Variants in AGBL1 observed in about 807,000 individuals in gnomAD.
AGBL1 encodes cytosolic carboxypeptidase 4.
A neutral mutation model predicts 118.9 loss-of-function variants in AGBL1; 130 were observed. That is an observed-to-expected ratio of 1.09 (90% CI 0.95 to 1.26). The LOEUF (loss-of-function observed/expected upper bound fraction) is 1.26, where lower values mean the gene tolerates loss of function less well. Ranked by LOEUF, AGBL1 falls within the 50% of genes most tolerant of loss-of-function variation. The pLI, the probability that AGBL1 is intolerant of heterozygous loss-of-function variation, is 0.00. For synonymous variants in AGBL1, 555 were observed against 478.9 expected (o/e 1.16, Z -2.08); for missense variants, 1,584 against 1,298.1 (o/e 1.22, Z -3.38).
intron 5 of AGBL1, among the ~76,000 whole-genome samples, chr15:86,185,252 A>G (rs572810884): frequency 0.015 from 2,291 of 152,250 alleles, 62 homozygotes; most frequent in African/African-American, 0.053. Context: ...AAAGTCAGGG[A>G]ACAACAGGTG....
chr15:86,635,325 C>CCTCCTCCTCTTA (rs2085064531), intron 21 of AGBL1, among the ~76,000 whole-genome samples: 1 of 102,772 alleles, frequency 9.7e-6, no homozygotes, highest in African/African-American at 4.3e-5. Flanking sequence ...TCCTCCTCCT[C>CCTCCTCCTCTTA]CTCCTCCTCC....
At chr15:86,344,959 A>G (rs1454298227) in intron 17 of AGBL1, among the ~76,000 whole-genome samples, 2 of 152,126 alleles carry the variant, frequency 1.3e-5, no homozygotes, top group African/African-American at 4.8e-5. Context: ...TCATCAGTGA[A>G]CAGAGGAACA....
intron 21 of AGBL1, among the ~76,000 whole-genome samples, chr15:86,603,837 G>T (rs1020978308): frequency 3.9e-5 from 6 of 152,122 alleles, no homozygotes; most frequent in Admixed American, 2.0e-4. Flanking sequence ...ATTTGTTTTT[G>T]TTGTTGTTGT....
intron 22 of AGBL1, among the ~76,000 whole-genome samples, chr15:86,682,414 T>C (rs1379287347): frequency 1.1e-4 from 17 of 152,184 alleles, no homozygotes; most frequent in Non-Finnish European, 2.1e-4. Flanking sequence ...GATTCTTCTA[T>C]AATAGATAAA....
rs544609198 is a variant in AGBL1, at chr15:86,602,250, G to A, written c.2994+47713G>A. Among the ~76,000 whole-genome samples, 9 of 152,170 alleles carry A rather than the reference G, an allele frequency of 5.9e-5. No individual in the cohort carries two copies. In the East Asian group the frequency reaches 1.5e-3, roughly 26 times the overall value. ...ATCACATGTTGTATGGTGGGAGTGGGGTTGGTATAAAAATTTCCTCCTTCA... is the reference window on the plus strand; with the variant it reads ...ATCACATGTTGTATGGTGGGAGTGGAGTTGGTATAAAAATTTCCTCCTTCA... On this transcript the variant is annotated intron_variant, in intron 21 of 22. Coordinates refer to ENST00000614907, the MANE Select transcript of AGBL1 (RefSeq NM_001386094.1).
intron 20 of AGBL1, among the ~76,000 whole-genome samples, chr15:86,549,019 G>T (rs1465140536): frequency 6.6e-6 from 1 of 151,932 alleles, no homozygotes; most frequent in Non-Finnish European, 1.5e-5. Flanking sequence ...GATCTCATGA[G>T]AATTCACTCA....
intron 1 of AGBL1, among the ~76,000 whole-genome samples, chr15:86,083,110 A>G (rs893011387): frequency 1.3e-5 from 2 of 152,184 alleles, no homozygotes; most frequent in African/African-American, 4.8e-5. Context: ...CTCGTTGAGT[A>G]TGCAGTGGAG....
At chr15:86,973,931 T>TATAAACATATTTAATATATTAAAC in intron 23 of AGBL1, among the ~76,000 whole-genome samples, 1 of 144,610 alleles carries the variant, frequency 6.9e-6, no homozygotes, top group African/African-American at 2.5e-5. Flanking sequence ...ATATATTAAA[T>TATAAACATATTTAATATATTAAAC]ATAAACATAT....
intron 21 of AGBL1, among the ~76,000 whole-genome samples, chr15:86,654,492 G>A (rs2085430555): frequency 1.3e-5 from 2 of 152,128 alleles, no homozygotes; most frequent in African/African-American, 2.4e-5. Context: ...CCATGGCCCT[G>A]TATGCAATGT....
At chr15:86,917,283 C>T (rs1262827024), downstream of AGBL1, among the ~76,000 whole-genome samples, 1 of 152,144 alleles carries the variant, frequency 6.6e-6, no homozygotes, top group Non-Finnish European at 1.5e-5. This position sits in a 1 kb window ranked among gnomAD's most constrained non-coding sequence, Gnocchi z 4.8. Flanking sequence ...TTTCACAGTC[C>T]CTCTCCTGTC....
At chr15:86,085,304 C>A (rs370252148) in intron 1 of AGBL1, among the ~76,000 whole-genome samples, 1 of 151,928 alleles carries the variant, frequency 6.6e-6, no homozygotes, top group Non-Finnish European at 1.5e-5. Context: ...CCGGTCATGG[C>A]GGGGGTGGGG....
At chr15:86,459,475 G>A (rs901920957) in intron 18 of AGBL1, among the ~76,000 whole-genome samples, 1 of 152,076 alleles carries the variant, frequency 6.6e-6, no homozygotes, top group African/African-American at 2.4e-5. Flanking sequence ...TATTCAATAT[G>A]CTTATATCAA....
chr15:86,727,422 A>T (rs949443093), intron 22 of AGBL1, among the ~76,000 whole-genome samples: 1 of 152,132 alleles, frequency 6.6e-6, no homozygotes, highest in Non-Finnish European at 1.5e-5. Flanking sequence ...AATTTTTTTT[A>T]AATTTTAGTT....
intron 23 of AGBL1, among the ~76,000 whole-genome samples, chr15:86,957,606 G>T (rs2080943523): frequency 6.6e-6 from 1 of 151,846 alleles, no homozygotes; most frequent in Non-Finnish European, 1.5e-5. Context: ...TAAAACAGAA[G>T]AAAGAAATCA....
At chr15:86,554,249 AG>A in intron 20 of AGBL1, 111 bp from the exon 21 acceptor site, 1 of 919,006 alleles carries the variant, frequency 1.1e-6, no homozygotes, top group South Asian at 1.9e-5. Context: ...AATGATTTAA[AG>A]TAACGAGTAT....
At chr15:86,256,058 C>T (rs2078890305) in intron 7 of AGBL1, among the ~76,000 whole-genome samples, 1 of 152,182 alleles carries the variant, frequency 6.6e-6, no homozygotes, top group Admixed American at 6.5e-5. Flanking sequence ...AGTCATCTTC[C>T]TGTACCAAGT....
At chr15:86,541,794 C>T (rs2083501237) in intron 19 of AGBL1, among the ~76,000 whole-genome samples, 1 of 151,996 alleles carries the variant, frequency 6.6e-6, no homozygotes, top group African/African-American at 2.4e-5. Context: ...CAATTTTTTT[C>T]AAGACCCACA....
At chr15:86,252,739 C>T (rs67607751) in intron 7 of AGBL1, among the ~76,000 whole-genome samples, 25,050 of 152,136 alleles carry the variant, frequency 0.16, 2,180 homozygotes, top group South Asian at 0.29. Context: ...AGGTGGCCAC[C>T]AGGCACAGAC....
intron 22 of AGBL1, among the ~76,000 whole-genome samples, chr15:86,819,080 C>A (rs2078903231): frequency 6.6e-6 from 1 of 151,736 alleles, no homozygotes; most frequent in African/African-American, 2.4e-5. Context: ...TCTTTCCAGA[C>A]AAAATATTTC....
Sources: allele counts gnomAD v4.1 joint callset (sites outside exome capture counted in the v4.1 genomes callset), GRCh38; gene constraint gnomAD v4.1.1; non-coding constraint Gnocchi (gnomAD v3.1); transcripts MANE v1.5; gene names NCBI Gene and HGNC (gene_info 2026-07-23, HGNC 2026-07-21).